The following LAMB1 variants were observed in gnomAD, a reference collection of about 807,000 sequenced individuals.
The protein encoded by LAMB1 is laminin subunit beta-1.
A neutral mutation model predicts 222.3 loss-of-function variants in LAMB1; 121 were observed. That is an observed-to-expected ratio of 0.54 (90% confidence interval 0.47 to 0.63). The LOEUF is 0.63. Among genes scored for constraint, LAMB1 ranks in the 30% least tolerant of loss-of-function variants. The pLI, the probability that LAMB1 is intolerant of heterozygous loss-of-function variation, is 0.00. For missense variants in LAMB1, 2,172 were observed against 2,240.8 expected (o/e 0.97, Z 0.62); for synonymous variants, 794 against 807.2 (o/e 0.98, Z 0.28).
In LAMB1 at chr7:107,975,321, A is replaced by G; in HGVS notation, c.1282T>C (p.Cys428Arg). The G allele has an allele frequency of 1.9e-6, 3 of 1,613,986 alleles. No homozygotes were observed. Among genetic ancestry groups the G allele is most frequent in the Non-Finnish European group, 2.5e-6 (3 of 1,179,892 alleles). ...TGTTCTCCTTCCACATTTAATTTAC[A>G]CCGACACTGGCCAGCAATGAGACCA... is the stretch of plus-strand genomic sequence containing the variant. Reference protein sequence around the residue: ...STGLIAGQCRCKLNVEGEHCD... With the variant: ...STGLIAGQCRRKLNVEGEHCD... Residue 428 changes from cysteine (C) to arginine (R), a missense_variant, in exon 11 of 34, where the codon TGT becomes CGT. Coordinates refer to ENST00000222399, the MANE Select transcript of LAMB1 (RefSeq NM_002291.3).
intron 7 of LAMB1, among the ~76,000 whole-genome samples, chr7:107,982,714 A>G (rs1282536237): frequency 6.6e-6 from 1 of 152,310 alleles, no homozygotes; most frequent in African/African-American, 2.4e-5. Flanking sequence ...CTCTCCTGCC[A>G]TATTTAAAAA....
chr7:107,997,348 A>AG (rs1343377420), intron 4 of LAMB1, among the ~76,000 whole-genome samples: 2 of 152,166 alleles, frequency 1.3e-5, no homozygotes, highest in Non-Finnish European at 2.9e-5. Flanking sequence ...ACTTGAACCC[A>AG]GGACGTGGAG....
intron 20 of LAMB1, among the ~76,000 whole-genome samples, chr7:107,955,913 T>G (rs2033366235): frequency 6.6e-6 from 1 of 152,192 alleles, no homozygotes; most frequent in Non-Finnish European, 1.5e-5. Context: ...TTTGTTTGTT[T>G]TTGAGATGGA....
intron 12 of LAMB1, among the ~76,000 whole-genome samples, chr7:107,974,348 C>A (rs536383755): frequency 6.7e-6 from 1 of 148,996 alleles, no homozygotes; most frequent in Non-Finnish European, 1.5e-5. Context: ...CTATTCATAT[C>A]CTGTGTGTGT....
chr7:107,962,514 G>C (rs1320759242), intron 15 of LAMB1, among the ~76,000 whole-genome samples: 4 of 152,192 alleles, frequency 2.6e-5, no homozygotes, highest in African/African-American at 4.8e-5. Context: ...AGGAGTTCAA[G>C]ATCAGCCTGG....
Position 107,929,050 on chromosome 7 carries a change from TTG to T in LAMB1, c.4887+12_4887+13del, listed in dbSNP as rs1186664399. Reference sequence around the variant, plus strand: ...AGGTGTGTTCCCATTCATGTAATGATTGTGTATGCCTACCGAAGTTAACAGGT... The same window carrying T: ...AGGTGTGTTCCCATTCATGTAATGATTGTATGCCTACCGAAGTTAACAGGT... On this transcript the variant is annotated intron_variant, in intron 31 of 33. Coordinates refer to ENST00000222399, the MANE Select transcript of LAMB1 (RefSeq NM_002291.3). 9 of 1,612,036 alleles carry T rather than the reference TTG, an allele frequency of 5.6e-6. No individual in the cohort carries two copies. The highest frequency in any genetic ancestry group is 5.9e-6 in the Non-Finnish European group (7 of 1,178,542).
At chr7:107,993,072 T>C (rs12705437) in intron 5 of LAMB1, among the ~76,000 whole-genome samples, 71,050 of 151,914 alleles carry the variant, frequency 0.47, 17,020 homozygotes, top group African/African-American at 0.58. Context: ...AGATGTTGCT[T>C]TTCTCACTGG....
intron 2 of LAMB1, 171 bp from the exon 3 acceptor site, chr7:108,001,904 A>G: frequency 6.8e-7 from 1 of 1,464,740 alleles, no homozygotes; most frequent in African/African-American, 1.4e-5. Context: ...GAGGCTGGGA[A>G]GGCAGGGACT....
At chr7:107,998,140 C>G (rs1195167432) in intron 4 of LAMB1, among the ~76,000 whole-genome samples, 1 of 152,166 alleles carries the variant, frequency 6.6e-6, no homozygotes, top group African/African-American at 2.4e-5. Flanking sequence ...CTCCTTTGGT[C>G]TAGCATGACA....
intron 24 of LAMB1, among the ~76,000 whole-genome samples, chr7:107,948,647 A>C (rs1420793982): frequency 6.6e-6 from 1 of 152,194 alleles, no homozygotes; most frequent in Admixed American, 6.5e-5. Flanking sequence ...GATTCCTATC[A>C]AGCTGAGTAA....
intron 12 of LAMB1, 46 bp from the exon 13 acceptor site, chr7:107,973,117 A>T: frequency 6.8e-7 from 1 of 1,469,234 alleles, no homozygotes. Context: ...TTCTGTAATT[A>T]TGCAACAGAC....
In LAMB1 at chr7:107,924,219, A is replaced by T. The variant is rs762517427; in HGVS notation, c.5224+11T>A. The T allele has an allele frequency of 1.9e-6, 3 of 1,585,242 alleles. No individual in the cohort carries two copies. The South Asian group carries it at 3.5e-5, about 19-fold the overall frequency. ...GTAATTTAAAAAATAAGCCTGTGTG[A>T]AAAGACCCACCTTTGAGCAGTTGCA... On this transcript the variant is annotated intron_variant, in intron 33 of 33. Transcript: ENST00000222399.
rs550501832 is a variant in LAMB1, at chr7:107,967,890, T to A, written c.1563-3203A>T. ...ATTGATAGAGTTACAAGCAAAGCAC[T>A]AAGGGAGAAGAAGATATGATTCATC... On this transcript the variant is annotated intron_variant, in intron 13 of 33. Transcript: ENST00000222399. Among the ~76,000 whole-genome samples, 9 of 152,204 alleles carry A rather than the reference T, an allele frequency of 5.9e-5. No individual in the cohort carries two copies. In the South Asian group the frequency reaches 1.2e-3, roughly 21 times the overall value.
chr7:108,002,833 G>A lies in LAMB1; in HGVS notation c.37+16C>T, dbSNP rs369755605. On this transcript the variant is annotated intron_variant, in intron 2 of 33. Transcript: ENST00000222399. ...CCAAGTCCGTCCGCCTCCCCGCACC[G>A]TTTCCACGGAATTACCTAAGAAACT... The A allele has an allele frequency of 1.2e-4, 186 of 1,613,932 alleles. No homozygotes were observed. Among genetic ancestry groups the A allele is most frequent in the Non-Finnish European group, 1.5e-4 (179 of 1,179,996 alleles).
intron 24 of LAMB1, among the ~76,000 whole-genome samples, chr7:107,950,858 CAT>C (rs1215706897): frequency 1.3e-5 from 2 of 152,022 alleles, no homozygotes; most frequent in African/African-American, 4.8e-5. Context: ...CTTTGCCAAA[CAT>C]AGGGTTCACA....
chr7:107,995,265 T>C (rs2034261559), intron 4 of LAMB1, among the ~76,000 whole-genome samples: 2 of 152,200 alleles, frequency 1.3e-5, no homozygotes, highest in South Asian at 4.1e-4. Flanking sequence ...ATCCTTTGCC[T>C]AGCCAGAAGT....
chr7:107,996,047 T>C (rs2034275481), intron 4 of LAMB1, among the ~76,000 whole-genome samples: 1 of 152,154 alleles, frequency 6.6e-6, no homozygotes, highest in South Asian at 2.1e-4. Flanking sequence ...ACCTAACTTA[T>C]CAAAAAGAAC....
intron 24 of LAMB1, among the ~76,000 whole-genome samples, chr7:107,941,866 G>A (rs899756018): frequency 3.5e-5 from 4 of 112,716 alleles, no homozygotes; most frequent in Admixed American, 1.2e-4. Context: ...TTTAAGAGAC[G>A]GTGTTTCTCC....
intron 5 of LAMB1, among the ~76,000 whole-genome samples, chr7:107,993,894 G>A (rs933259103): frequency 1.1e-4 from 16 of 152,166 alleles, no homozygotes; most frequent in African/African-American, 3.9e-4. Context: ...TGGGGAGTGG[G>A]CAAGGGGATA....
Sources: allele counts gnomAD v4.1 joint callset (sites outside exome capture counted in the v4.1 genomes callset), GRCh38; gene constraint gnomAD v4.1.1; transcripts MANE v1.5; gene names NCBI Gene and HGNC (gene_info 2026-07-23, HGNC 2026-07-21).